WNT3: variants seen among roughly 807,000 people sequenced by gnomAD.
WNT3 encodes the protein proto-oncogene Wnt-3.
A neutral mutation model predicts 34.2 loss-of-function variants in WNT3; 7 were observed. That is an observed-to-expected ratio of 0.20 (90% CI 0.12 to 0.38). The LOEUF (loss-of-function observed/expected upper bound fraction) is 0.38, where lower values mean the gene tolerates loss of function less well. Among genes scored for constraint, WNT3 ranks in the 10% least tolerant of loss-of-function variants. WNT3 has a pLI of 1.00. For missense variants in WNT3, 267 were observed against 499.8 expected, an observed-to-expected ratio of 0.53 and a Z score of 4.44; for synonymous variants, 212 against 211.5, an observed-to-expected ratio of 1.00 and a Z score of -0.02.
At position 46,773,927 on chromosome 17, in the gene WNT3, G is replaced by A. The variant is rs376105627; in HGVS notation, c.81-18C>T. On this transcript the variant is annotated intron_variant, in intron 1 of 4. Transcript: ENST00000225512. ...CCAGGGACCTGCAGGCAGACAGAGGGTAGTAACACTGTGGGCACAAAGCAC... is the reference window on the plus strand; with the variant it reads ...CCAGGGACCTGCAGGCAGACAGAGGATAGTAACACTGTGGGCACAAAGCAC... The A allele has an allele frequency of 4.3e-6, 7 of 1,609,234 alleles. No homozygotes were observed. The highest frequency in any genetic ancestry group is 5.1e-6 in the Non-Finnish European group (6 of 1,179,298).
At chr17:46,786,821 C>T (rs1250151673) in intron 1 of WNT3, among the ~76,000 whole-genome samples, 1 of 152,184 alleles carries the variant, frequency 6.6e-6, no homozygotes, top group Admixed American at 6.5e-5. Context: ...GTCTTGGCAA[C>T]TCAGGGGATG....
intron 4 of WNT3, among the ~76,000 whole-genome samples, chr17:46,767,927 T>C (rs1279685047): frequency 6.6e-6 from 1 of 152,082 alleles, no homozygotes. Context: ...CAGCTGGGAT[T>C]ACAGGCACCT....
chr17:46,812,944 G>A (rs769987290), intron 1 of WNT3, among the ~76,000 whole-genome samples: 13 of 152,164 alleles, frequency 8.5e-5, no homozygotes, highest in Admixed American at 3.9e-4. Flanking sequence ...TTTTACAGAT[G>A]AGGAAACTGA....
intron 1 of WNT3, among the ~76,000 whole-genome samples, chr17:46,803,074 C>A (rs1330840642): frequency 6.6e-6 from 1 of 152,192 alleles, no homozygotes; most frequent in Non-Finnish European, 1.5e-5. Context: ...AGGTGGAGAT[C>A]ATCAGAATTG....
At chr17:46,811,034 G>A (rs1043107736) in intron 1 of WNT3, among the ~76,000 whole-genome samples, 25 of 152,116 alleles carry the variant, frequency 1.6e-4, no homozygotes, top group African/African-American at 6.0e-4. Context: ...ATTTTGAGAA[G>A]GCCCGCCTCA....
At position 46,762,892 on chromosome 17, in the gene WNT3, TG is replaced by T. The variant is rs1250776245; in HGVS notation, c.*1737del. 1 of 152,208 alleles carries T rather than the reference TG, an allele frequency of 6.6e-6. No individual in the cohort carries two copies. The highest frequency in any genetic ancestry group is 2.4e-5 in the African/African-American group (1 of 41,462). The allele number at this position is 152,208 out of a possible 1,614,324, so 9.4% of individuals were successfully genotyped here. A position where few individuals can be genotyped will look rare whatever the true frequency, so the allele number is the denominator to read the frequency against. Reference sequence around the variant, plus strand: ...ATAGAATACATAGATATGAAAAGATTGTTTTGAAAATTCGTATCCATTCTGC... The same window carrying T: ...ATAGAATACATAGATATGAAAAGATTTTTTGAAAATTCGTATCCATTCTGC... On this transcript the variant is annotated 3_prime_UTR_variant, in exon 5 of 5. Coordinates refer to ENST00000225512, the MANE Select transcript of WNT3 (RefSeq NM_030753.5).
intron 2 of WNT3, among the ~76,000 whole-genome samples, chr17:46,772,254 C>T (rs1047655555): frequency 6.6e-6 from 1 of 152,330 alleles, no homozygotes; most frequent in East Asian, 1.9e-4. Context: ...CACACATCGC[C>T]CCTCCCCCCG....
At chr17:46,765,168 C>T (rs1366877815) in intron 4 of WNT3, among the ~76,000 whole-genome samples, 1 of 152,232 alleles carries the variant, frequency 6.6e-6, no homozygotes. Context: ...AGTCAACCCC[C>T]AGCTCTTCTA....
intron 1 of WNT3, among the ~76,000 whole-genome samples, chr17:46,796,052 C>T (rs1440412835): frequency 6.6e-6 from 1 of 152,146 alleles, no homozygotes; most frequent in Admixed American, 6.5e-5. Flanking sequence ...GAGGAGCTGT[C>T]CCATCCGCAG....
Position 46,768,001 on chromosome 17 carries a change from C to A in WNT3, c.*8+311G>T, listed in dbSNP as rs373618541. 3.1e-4 allele frequency among the ~76,000 whole-genome samples: 47 copies of A among 152,212 alleles called. No homozygotes were observed. Among genetic ancestry groups the A allele is most frequent in the African/African-American group, 1.1e-3 (44 of 41,522 alleles). ...ACGGGTTTCACCATGTTGGCCAGGC[C>A]GGTCTCGAACTCCTGACCTCAGGTG... On this transcript the variant is annotated intron_variant, in intron 4 of 4. Coordinates refer to ENST00000225512, the MANE Select transcript of WNT3 (RefSeq NM_030753.5). The surrounding 1 kb of genome is among the most constrained non-coding windows in gnomAD (Gnocchi z 5.0).
At position 46,768,228 on chromosome 17, in the gene WNT3, G is replaced by A; in HGVS notation, c.*8+84C>T. 2 of 1,571,914 alleles carry A rather than the reference G, an allele frequency of 1.3e-6. No homozygotes were observed. The highest frequency in any genetic ancestry group is 2.3e-5 in the South Asian group (2 of 88,874). Reference sequence around the variant, plus strand: ...CTTGGATAGCTTAGAAACAGAAGGGGGTCGTCAAGAAGACGAGATGGGCAA... The same window carrying A: ...CTTGGATAGCTTAGAAACAGAAGGGAGTCGTCAAGAAGACGAGATGGGCAA... On this transcript the variant is annotated intron_variant, in intron 4 of 4. Coordinates refer to ENST00000225512, the MANE Select transcript of WNT3 (RefSeq NM_030753.5). The surrounding 1 kb of genome is among the most constrained non-coding windows in gnomAD (Gnocchi z 5.0).
chr17:46,798,011 G>A (rs1195630148), intron 1 of WNT3, among the ~76,000 whole-genome samples: 3 of 152,032 alleles, frequency 2.0e-5, no homozygotes, highest in South Asian at 2.1e-4. Context: ...TCTCTGCAAC[G>A]TCTGCCTCCT....
At chr17:46,796,828 G>A (rs1406012682) in intron 1 of WNT3, among the ~76,000 whole-genome samples, 2 of 152,176 alleles carry the variant, frequency 1.3e-5, no homozygotes, top group Non-Finnish European at 2.9e-5. Context: ...ATTCCTGAGT[G>A]CATTCATTCA....
At chr17:46,796,223 G>C (rs968633727) in intron 1 of WNT3, among the ~76,000 whole-genome samples, 1 of 152,178 alleles carries the variant, frequency 6.6e-6, no homozygotes, top group Non-Finnish European at 1.5e-5. Context: ...CGGGGAGGAA[G>C]AATTGAAATG....
At chr17:46,809,554 C>T (rs996319922) in intron 1 of WNT3, among the ~76,000 whole-genome samples, 1 of 152,210 alleles carries the variant, frequency 6.6e-6, no homozygotes, top group African/African-American at 2.4e-5. Flanking sequence ...TCCTAGTTTG[C>T]TAGGCCTTAC....
At chr17:46,788,056 G>A (rs1202298257) in intron 1 of WNT3, among the ~76,000 whole-genome samples, 2 of 152,090 alleles carry the variant, frequency 1.3e-5, no homozygotes, top group Non-Finnish European at 2.9e-5. Context: ...GTCCCACTTG[G>A]GACTTCAAGG....
intron 1 of WNT3, among the ~76,000 whole-genome samples, 196 bp from the exon 2 acceptor site, chr17:46,774,105 C>T (rs1424848008): frequency 6.6e-6 from 1 of 152,266 alleles, no homozygotes; most frequent in Non-Finnish European, 1.5e-5. Flanking sequence ...GCAAGTCAGC[C>T]CTCTGGCTGC....
At chr17:46,813,262 T>C (rs1372607457) in intron 1 of WNT3, among the ~76,000 whole-genome samples, 2 of 151,422 alleles carry the variant, frequency 1.3e-5, no homozygotes, top group Non-Finnish European at 2.9e-5. Context: ...GACCCCTCCA[T>C]GTGGTTAAGG....
intron 1 of WNT3, among the ~76,000 whole-genome samples, chr17:46,802,119 C>G (rs530546263): frequency 6.6e-6 from 1 of 152,220 alleles, no homozygotes; most frequent in Non-Finnish European, 1.5e-5. Context: ...TCCCAGCGTA[C>G]AACTCCTAAA....
Sources: gnomAD v4.1 joint callset for allele counts (sites outside exome capture counted in the v4.1 genomes callset) on GRCh38, gnomAD v4.1.1 for gene constraint, Gnocchi (gnomAD v3.1) non-coding constraint, MANE v1.5 for transcripts, NCBI Gene and HGNC (gene_info 2026-07-23, HGNC 2026-07-21) for gene names.